The following USP33 variants were observed in gnomAD, a reference collection of about 807,000 sequenced individuals.
USP33 encodes ubiquitin specific peptidase 33, also known as ubiquitin carboxyl-terminal hydrolase 33.
In USP33, 46 loss-of-function variants were observed where a neutral mutation model predicts 124.2. That is an observed-to-expected ratio of 0.37 (90% CI 0.29 to 0.47). The LOEUF (loss-of-function observed/expected upper bound fraction) is 0.47. USP33 is among the 20% of genes least tolerant of loss of function. The pLI, the probability that USP33 is intolerant of heterozygous loss-of-function variation, is 0.99. For missense variants in USP33, 851 were observed against 1,070.6 expected, an observed-to-expected ratio of 0.79 and a Z score of 2.86; for synonymous variants, 350 against 352.3, an observed-to-expected ratio of 0.99 and a Z score of 0.07.
At chr1:77,710,425 C>T (rs1005419518) in intron 21 of USP33, among the ~76,000 whole-genome samples, 5 of 152,180 alleles carry the variant, frequency 3.3e-5, no homozygotes, top group East Asian at 1.9e-4. Flanking sequence ...AGAATAGCTA[C>T]TATTAATCAA....
At chr1:77,753,533 T>C (rs1452327904) in intron 1 of USP33, among the ~76,000 whole-genome samples, 1 of 152,146 alleles carries the variant, frequency 6.6e-6, no homozygotes, top group Non-Finnish European at 1.5e-5. Flanking sequence ...ATATCTGGAA[T>C]ACAGTATTTT....
chr1:77,730,740 A>C lies in USP33; in HGVS notation c.525-9T>G, dbSNP rs1397345527. On this transcript the variant is annotated splice_polypyrimidine_tract_variant and intron_variant, in intron 7 of 23. Coordinates refer to ENST00000370794, the MANE Select transcript of USP33 (RefSeq NM_201624.3). Reference sequence around the variant, plus strand: ...ACTGTGTCAAAGGTGGGCTAATTTTAAAAAGAGAAAAATGTTAGAGTGGAG... The same window carrying C: ...ACTGTGTCAAAGGTGGGCTAATTTTCAAAAGAGAAAAATGTTAGAGTGGAG... The C allele has an allele frequency of 6.4e-7, 1 of 1,550,698 alleles. No homozygotes were observed. Among genetic ancestry groups the C allele is most frequent in the Admixed American group, 2.0e-5 (1 of 50,730 alleles).
chr1:77,722,671 A>G (rs1676701149), intron 12 of USP33, among the ~76,000 whole-genome samples: 1 of 152,220 alleles, frequency 6.6e-6, no homozygotes, highest in Non-Finnish European at 1.5e-5. Flanking sequence ...AATAACCTAC[A>G]TTAAAACGAC....
intron 1 of USP33, among the ~76,000 whole-genome samples, chr1:77,751,492 C>CA (rs1356878606): frequency 6.6e-6 from 1 of 151,840 alleles, no homozygotes; most frequent in East Asian, 2.0e-4. Context: ...GTCTCTACCC[C>CA]AAAAAAATAC....
chr1:77,731,392 C>T (rs1327654627), intron 7 of USP33, among the ~76,000 whole-genome samples: 1 of 152,100 alleles, frequency 6.6e-6, no homozygotes. Flanking sequence ...GTCTGTCTGT[C>T]GTGAGTTTGA....
chr1:77,731,583 T>C (rs1677818177), intron 7 of USP33, among the ~76,000 whole-genome samples: 1 of 151,790 alleles, frequency 6.6e-6, no homozygotes, highest in South Asian at 2.1e-4. Context: ...ATGTTGCCCA[T>C]GCTGGTTCCA....
At chr1:77,740,448 G>C (rs1296571336) in intron 4 of USP33, among the ~76,000 whole-genome samples, 1 of 151,640 alleles carries the variant, frequency 6.6e-6, no homozygotes, top group Admixed American at 6.6e-5. Context: ...CCGCCTCCCA[G>C]GTTCAAACAA....
rs1422443662 is a variant in USP33, at chr1:77,728,694, G to C, written c.736C>G (p.Arg246Gly). 6.2e-7 allele frequency: 1 copy of C among 1,612,326 alleles called. No homozygotes were observed. Among genetic ancestry groups the C allele is most frequent in the Non-Finnish European group, 8.5e-7 (1 of 1,179,494 alleles). ...TCATGAAGCAAATCCATTAAACATC[G>C]AAGGAATTCTTGAGCATCCTAATAT... ...YSQQDAQEFL[R>G]CLMDLLHEEL... The change falls in exon 10 of 24, where the codon CGA (arginine) becomes GGA (glycine). Residue 246 changes from arginine to glycine, a missense_variant. Arg to Gly is a moderately radical substitution (Grantham distance 125). This residue lies in a region of USP33 where 221 missense variants were observed against 302.9 expected (regional missense o/e 0.73). Transcript: ENST00000370794.
chr1:77,730,055 C>A (rs1677629631), intron 8 of USP33, 117 bp from the exon 9 acceptor site: 2 of 914,298 alleles, frequency 2.2e-6, no homozygotes, highest in Non-Finnish European at 3.3e-6. Context: ...TCAAAAAAAT[C>A]ATTCAAAACT....
chr1:77,743,327 A>C (rs1679346527), intron 1 of USP33, among the ~76,000 whole-genome samples: 1 of 152,164 alleles, frequency 6.6e-6, no homozygotes. Flanking sequence ...TTATACTTTA[A>C]GTTCTAGGGT....
intron 16 of USP33, 31 bp downstream of exon 16, chr1:77,718,565 A>C: frequency 6.6e-7 from 1 of 1,521,506 alleles, no homozygotes; most frequent in Admixed American, 1.8e-5. Context: ...CCTACCACAC[A>C]ATATAAGTTG....
At chr1:77,739,462 T>A in intron 4 of USP33, 45 bp from the exon 5 acceptor site, 1 of 1,517,276 alleles carries the variant, frequency 6.6e-7, no homozygotes, top group Non-Finnish European at 8.8e-7. Flanking sequence ...CAAAATTACA[T>A]ATACTTGAAA....
chr1:77,744,178 G>A (rs995504493), intron 1 of USP33, among the ~76,000 whole-genome samples: 15 of 150,476 alleles, frequency 1.0e-4, no homozygotes, highest in Non-Finnish European at 2.1e-4. Flanking sequence ...CTGTTCCAAA[G>A]GAATTGTGTT....
intron 15 of USP33, among the ~76,000 whole-genome samples, chr1:77,719,784 G>A (rs1676343519): frequency 1.3e-5 from 2 of 148,192 alleles, no homozygotes; most frequent in African/African-American, 2.5e-5. Context: ...AACCCAGAAG[G>A]CAGAGGTTGC....
chr1:77,728,857 A>T, intron 9 of USP33, 145 bp from the exon 10 acceptor site: 1 of 881,826 alleles, frequency 1.1e-6, no homozygotes, highest in Non-Finnish European at 1.7e-6. Flanking sequence ...AGCATAAGGC[A>T]CTAGATAAAT....
At chr1:77,707,778 C>T (rs191803066) in intron 21 of USP33, among the ~76,000 whole-genome samples, 68 of 152,296 alleles carry the variant, frequency 4.5e-4, no homozygotes, top group Middle Eastern at 6.8e-3. Flanking sequence ...ATACATATTT[C>T]TTCCTTGCTC....
At position 77,718,658 on chromosome 1, in the gene USP33, GA is replaced by G. The variant is rs1255842529; in HGVS notation, c.1692-18del. 3.8e-6 allele frequency: 6 copies of G among 1,586,882 alleles called. No homozygotes were observed. Among genetic ancestry groups the G allele is most frequent in the Non-Finnish European group, 5.2e-6 (6 of 1,162,894 alleles). On this transcript the variant is annotated intron_variant, in intron 15 of 23. Transcript: ENST00000370794. ...TTTCTCAACCTAAGGGGAGAAAAGAGAAAATCAATTAGTCTACAAAAAAACT... is the reference window on the plus strand; with the variant it reads ...TTTCTCAACCTAAGGGGAGAAAAGAGAAATCAATTAGTCTACAAAAAAACT...
intron 21 of USP33, 66 bp downstream of exon 21, chr1:77,711,681 T>A: frequency 6.4e-7 from 1 of 1,566,630 alleles, no homozygotes; most frequent in Non-Finnish European, 8.6e-7. Context: ...TAATATCATA[T>A]AACTCTGATA....
chr1:77,750,210 C>T (rs1322187264), intron 1 of USP33, among the ~76,000 whole-genome samples: 2 of 151,996 alleles, frequency 1.3e-5, no homozygotes, highest in African/African-American at 2.4e-5. Context: ...CCCAGCTACT[C>T]GGGAGGCTGA....
Sources: gnomAD v4.1 joint callset for allele counts (sites outside exome capture counted in the v4.1 genomes callset) on GRCh38, gnomAD v4.1.1 for gene constraint, gnomAD v4.1.1 regional missense constraint, MANE v1.5 for transcripts, NCBI Gene and HGNC (gene_info 2026-07-23, HGNC 2026-07-21) for gene names.